The following VKORC1L1 variants were observed in gnomAD, a reference collection of about 807,000 sequenced individuals.
VKORC1L1 encodes the protein vitamin K epoxide reductase complex subunit 1-like protein 1.
Under a neutral mutation model 18.9 loss-of-function variants are expected in VKORC1L1, and 2 were observed. The ratio of observed to expected loss-of-function variants is 0.11; its 90% CI spans 0.04 to 0.33. The LOEUF is 0.33. Ranked by LOEUF, VKORC1L1 falls within the 10% of genes least tolerant of loss-of-function variation. The pLI, the probability that VKORC1L1 is intolerant of heterozygous loss-of-function variation, is 1.00. For synonymous variants in VKORC1L1, 96 were observed against 100.0 expected (o/e 0.96, Z 0.24); for missense variants, 123 against 224.1 (o/e 0.55, Z 2.88).
intron 1 of VKORC1L1, among the ~76,000 whole-genome samples, chr7:65,944,714 C>G (rs754126564): frequency 1.3e-5 from 2 of 151,016 alleles, no homozygotes; most frequent in Non-Finnish European, 3.0e-5. Flanking sequence ...CTCAGGAGTT[C>G]GAGACCAGCC....
intron 1 of VKORC1L1, among the ~76,000 whole-genome samples, chr7:65,921,641 A>G (rs1357627556): frequency 1.3e-5 from 2 of 152,154 alleles, no homozygotes; most frequent in African/African-American, 4.8e-5. Flanking sequence ...GAGGTCAGGA[A>G]CTCAAGACCA....
At chr7:65,928,704 A>G (rs185413603) in intron 1 of VKORC1L1, among the ~76,000 whole-genome samples, 2 of 152,340 alleles carry the variant, frequency 1.3e-5, no homozygotes, top group Admixed American at 6.5e-5. Flanking sequence ...CTACGTTTCC[A>G]AACAGGTTTT....
In VKORC1L1 at chr7:65,873,114, C is replaced by T. The variant is rs1286278302; in HGVS notation, c.-258C>T. Among the ~76,000 whole-genome samples, 3 of 149,602 alleles carry T rather than the reference C, an allele frequency of 2.0e-5. No homozygotes were observed. The highest frequency in any genetic ancestry group is 6.6e-5 in the Admixed American group (1 of 15,054). On this transcript the variant is annotated 5_prime_UTR_variant, in exon 1 of 3. Transcript: ENST00000360768. ...ATCCGGCCTCTTCGGCCGTTGCGCA[C>T]TCCACCCCCTCCCTCCGCGCCCGCG...
intron 1 of VKORC1L1, among the ~76,000 whole-genome samples, chr7:65,937,743 A>G (rs1222265396): frequency 3.3e-5 from 5 of 152,206 alleles, no homozygotes. Context: ...CCTTGGTCTT[A>G]CAAATGAATA....
At chr7:65,942,210 G>T (rs1422848383) in intron 1 of VKORC1L1, among the ~76,000 whole-genome samples, 2 of 151,944 alleles carry the variant, frequency 1.3e-5, no homozygotes, top group African/African-American at 4.8e-5. Context: ...CTTGTTGGCC[G>T]GATGCAGTGA....
intron 1 of VKORC1L1, among the ~76,000 whole-genome samples, chr7:65,874,698 C>T (rs1361073239): frequency 2.6e-5 from 4 of 151,942 alleles, no homozygotes; most frequent in East Asian, 1.9e-4. Context: ...CCCAGCTACT[C>T]GGGAGGCTGA....
chr7:65,941,420 T>C (rs1440558440), intron 1 of VKORC1L1, among the ~76,000 whole-genome samples: 1 of 152,072 alleles, frequency 6.6e-6, no homozygotes, highest in Non-Finnish European at 1.5e-5. Context: ...CTGCCAAAGT[T>C]CTATTTCTAG....
At chr7:65,924,641 A>G (rs1262329256) in intron 1 of VKORC1L1, among the ~76,000 whole-genome samples, 1 of 152,194 alleles carries the variant, frequency 6.6e-6, no homozygotes, top group Non-Finnish European at 1.5e-5. Flanking sequence ...AGCCAAGTAA[A>G]ACCTCCAGGG....
intron 1 of VKORC1L1, among the ~76,000 whole-genome samples, chr7:65,920,143 G>T (rs984254741): frequency 6.6e-6 from 1 of 151,920 alleles, no homozygotes; most frequent in Non-Finnish European, 1.5e-5. Flanking sequence ...CCTCAGCGAG[G>T]CCTCCTCACC....
intron 1 of VKORC1L1, among the ~76,000 whole-genome samples, chr7:65,937,241 T>TTC (rs567409429): frequency 2.2e-3 from 16 of 7,434 alleles, no homozygotes; most frequent in Admixed American, 9.4e-3. Context: ...CTTCCAGTTT[T>TTC]TACTCTCCTC....
chr7:65,919,719 T>G (rs1789644741), intron 1 of VKORC1L1, among the ~76,000 whole-genome samples: 1 of 152,114 alleles, frequency 6.6e-6, no homozygotes, highest in Non-Finnish European at 1.5e-5. Context: ...TTCTTCCTCA[T>G]AGTCTATTTT....
Position 65,954,922 on chromosome 7 carries a change from C to A in VKORC1L1, c.*622C>A, listed in dbSNP as rs755794623. 1 of 152,342 alleles carries A rather than the reference C, an allele frequency of 6.6e-6. No individual in the cohort carries two copies. The highest frequency in any genetic ancestry group is 1.5e-5 in the Non-Finnish European group (1 of 68,182). The allele number at this position is 152,342 out of a possible 1,614,324, so 9.4% of individuals were successfully genotyped here. A position where few individuals can be genotyped will look rare whatever the true frequency, so the allele number is the denominator to read the frequency against. On this transcript the variant is annotated 3_prime_UTR_variant, in exon 3 of 3. Coordinates refer to ENST00000360768, the MANE Select transcript of VKORC1L1 (RefSeq NM_173517.6). ...AGTGAAAATAGCCTATACACAGCAT[C>A]TTGTGAAAAGTACTGGCAGCCGTGG...
intron 1 of VKORC1L1, among the ~76,000 whole-genome samples, chr7:65,885,554 G>T (rs1375120966): frequency 1.3e-5 from 2 of 150,784 alleles, no homozygotes; most frequent in Non-Finnish European, 2.9e-5. Flanking sequence ...TTTTCACACT[G>T]AGCTCTTTTA....
intron 1 of VKORC1L1, among the ~76,000 whole-genome samples, chr7:65,900,217 A>T (rs1401163619): frequency 6.7e-6 from 1 of 148,364 alleles, no homozygotes; most frequent in African/African-American, 2.5e-5. Flanking sequence ...GTGAAACCTC[A>T]TCTCTACTAA....
chr7:65,906,862 A>G (rs937363125), intron 1 of VKORC1L1, among the ~76,000 whole-genome samples: 2 of 152,176 alleles, frequency 1.3e-5, no homozygotes, highest in African/African-American at 4.8e-5. Context: ...GGAGGCTATA[A>G]CCTGGGATGG....
rs752779581 is a variant in VKORC1L1 at position 65,941,301 on chromosome 7, C to T, written c.195-7370C>T. On this transcript the variant is annotated intron_variant, in intron 1 of 2. Coordinates refer to ENST00000360768, the MANE Select transcript of VKORC1L1 (RefSeq NM_173517.6). ...TTTTCTTTCTTCTTTTTTTAGGTAG[C>T]GACAGAGTCTCATAATGTTGCCCAG... 7.3e-5 allele frequency among the ~76,000 whole-genome samples: 11 copies of T among 151,720 alleles called. No individual in the cohort carries two copies. In the South Asian group the frequency reaches 1.0e-3, roughly 14 times the overall value.
chr7:65,915,074 TTTTTTTTCTTTTTTTTTTC>T (rs1181275024), intron 1 of VKORC1L1, among the ~76,000 whole-genome samples: 2 of 124,056 alleles, frequency 1.6e-5, no homozygotes, highest in Non-Finnish European at 3.7e-5. Flanking sequence ...TGTGAGCTTA[TTTTTTTTCTTTTTTTTTTC>T]TTTTTTTTTT....
At chr7:65,885,470 T>C (rs1170182857) in intron 1 of VKORC1L1, among the ~76,000 whole-genome samples, 14 of 152,068 alleles carry the variant, frequency 9.2e-5, no homozygotes, top group Admixed American at 6.5e-5. Context: ...GTTTTTTTTT[T>C]CTGGTTTAGC....
At chr7:65,903,082 T>G (rs1040045408) in intron 1 of VKORC1L1, among the ~76,000 whole-genome samples, 1 of 151,866 alleles carries the variant, frequency 6.6e-6, no homozygotes, top group African/African-American at 2.4e-5. Flanking sequence ...GTCAGGCTGA[T>G]CTCGAACTCC....
Sources: gnomAD v4.1 joint callset for allele counts (sites outside exome capture counted in the v4.1 genomes callset) on GRCh38, gnomAD v4.1.1 for gene constraint, MANE v1.5 for transcripts, NCBI Gene and HGNC (gene_info 2026-07-23, HGNC 2026-07-21) for gene names.